The following NUP153 variants were observed in gnomAD, a reference collection of about 807,000 sequenced individuals.
NUP153 encodes nucleoporin 153.
Under a neutral mutation model 134.6 loss-of-function variants are expected in NUP153, and 27 were observed. That is an observed-to-expected ratio of 0.20 (90% confidence interval 0.15 to 0.28). The LOEUF is 0.28. NUP153 is among the 10% of genes least tolerant of loss of function. The pLI, the probability that NUP153 is intolerant of heterozygous loss-of-function variation, is 1.00. For missense variants in NUP153, 1,821 were observed against 1,731.3 expected, an observed-to-expected ratio of 1.05 and a Z score of -0.92; for synonymous variants, 640 against 623.5, an observed-to-expected ratio of 1.03 and a Z score of -0.40.
chr6:17,706,219 G>T lies in NUP153; in HGVS notation c.111+58C>A. ...GGGGCGCCGGGGCCTCGAACCGCCC[G>T]TCCCCTCCAGCCGAGTTTCCCCACC... is the stretch of plus-strand genomic sequence containing the variant. On this transcript the variant is annotated intron_variant, in intron 1 of 21. Transcript: ENST00000262077. The surrounding 1 kb of genome is among the most constrained non-coding windows in gnomAD (Gnocchi z 5.9). The T allele has an allele frequency of 1.4e-6, 2 of 1,408,980 alleles. No individual in the cohort carries two copies. The highest frequency in any genetic ancestry group is 2.0e-6 in the Non-Finnish European group (2 of 997,972). 87.3% of individuals were successfully genotyped at this position (1,408,980 alleles called of 1,614,324 possible).
In NUP153 at chr6:17,632,852, A is replaced by G; in HGVS notation, c.2465-8T>C. 1 of 1,543,794 alleles carries G rather than the reference A, an allele frequency of 6.5e-7. No homozygotes were observed. Among genetic ancestry groups the G allele is most frequent in the East Asian group, 2.3e-5 (1 of 44,092 alleles). The stretch of plus-strand genomic sequence containing the variant: ...AAGCAGGTACTGAACTTCCTAAAAA[A>G]AAAAAAAAAAACGGGGAGTGGGGGG... On this transcript the variant is annotated splice_region_variant and splice_polypyrimidine_tract_variant and intron_variant, in intron 16 of 21. Transcript: ENST00000262077.
rs373307370 is a variant in NUP153, at chr6:17,675,744, T to G, written c.361A>C (p.Asn121His). The change falls in exon 3 of 22, where the codon AAT becomes CAT. Residue 121 changes from asparagine to histidine, a missense_variant. Asn to His is a moderately conservative substitution (Grantham distance 68). Coordinates refer to ENST00000262077, the MANE Select transcript of NUP153 (RefSeq NM_005124.4). This position sits in a 1 kb window ranked among gnomAD's most constrained non-coding sequence, Gnocchi z 4.4. ...EEPSTTSTASNYPDVLTRPSL... is the reference protein window; with the variant it reads ...EEPSTTSTASHYPDVLTRPSL... ...GGCCTTGTTAACACATCTGGATAAT[T>G]TGAAGCAGTACTAGTTGTTGAAGGT... The G allele has an allele frequency of 3.1e-6, 5 of 1,613,682 alleles. No homozygotes were observed. The highest frequency in any genetic ancestry group is 1.3e-5 in the African/African-American group (1 of 74,928).
In NUP153 at chr6:17,675,238, T is replaced by C. The variant is rs200663994; in HGVS notation, c.714A>G (p.Thr238=). The part of the protein sequence containing the change: ...KPAFNLSAFG[T]LSPSLGNSSI... Reference sequence around the variant, plus strand: ...CCCAGTTAGTACTCACAGGGGAAAGTGTTCCAAAGGCAGACAAGTTGAATG... The same window carrying C: ...CCCAGTTAGTACTCACAGGGGAAAGCGTTCCAAAGGCAGACAAGTTGAATG... The change falls in exon 4 of 22, where the codon ACA becomes ACG. Residue 238 remains threonine (T), a synonymous_variant. Transcript: ENST00000262077. This position sits in a 1 kb window ranked among gnomAD's most constrained non-coding sequence, Gnocchi z 4.4. 3.1e-6 allele frequency: 5 copies of C among 1,614,006 alleles called. No homozygotes were observed. Among genetic ancestry groups the C allele is most frequent in the African/African-American group, 1.3e-5 (1 of 75,016 alleles).
In NUP153 at chr6:17,706,644, C is replaced by T. The variant is rs951740276; in HGVS notation, c.-257G>A. The T allele has an allele frequency of 5.4e-6, 3 of 551,350 alleles. No homozygotes were observed. In the Admixed American group the frequency reaches 9.9e-5, roughly 18 times the overall value. 34.2% of individuals were successfully genotyped at this position (551,350 alleles called of 1,614,324 possible). On this transcript the variant is annotated 5_prime_UTR_variant, in exon 1 of 22. Transcript: ENST00000262077. The surrounding 1 kb of genome is among the most constrained non-coding windows in gnomAD (Gnocchi z 5.9). ...CCGGTCCGGCCGCCTCTGCGGACCC[C>T]CGCCTCTGTGTGTGTCACGGTCTCT...
intron 17 of NUP153, among the ~76,000 whole-genome samples, chr6:17,631,360 T>C (rs1440802909): frequency 6.6e-6 from 1 of 152,234 alleles, no homozygotes; most frequent in African/African-American, 2.4e-5. Context: ...ATTATTTTTG[T>C]TTAATTTGTA....
rs1160413720 is a variant in NUP153, at chr6:17,647,804, TAC to T, written c.1632+1_1632+2del. The T allele has an allele frequency of 1.9e-5, 29 of 1,541,782 alleles. No homozygotes were observed. The highest frequency in any genetic ancestry group is 2.6e-5 in the Non-Finnish European group (29 of 1,115,490). The stretch of plus-strand genomic sequence containing the variant: ...TATATACTATTCCTTGCTTGTTACT[TAC>T]AGATGATGGAGGTAGTACATTTGCC... On this transcript the variant is annotated splice_donor_variant, in intron 13 of 21. Coordinates refer to ENST00000262077, the MANE Select transcript of NUP153 (RefSeq NM_005124.4). LOFTEE classifies it high-confidence loss of function.
chr6:17,677,233 C>A (rs1307452508), intron 2 of NUP153, among the ~76,000 whole-genome samples: 1 of 152,134 alleles, frequency 6.6e-6, no homozygotes, highest in Non-Finnish European at 1.5e-5. Flanking sequence ...ATTAATACAG[C>A]ACAAAACTAC....
chr6:17,618,724 C>A (rs1475071640), intron 20 of NUP153, among the ~76,000 whole-genome samples: 2 of 152,080 alleles, frequency 1.3e-5, no homozygotes, highest in African/African-American at 4.8e-5. Flanking sequence ...CGCCACCACG[C>A]CTGGCTAATT....
At chr6:17,696,217 TAA>T (rs1197818930) in intron 1 of NUP153, among the ~76,000 whole-genome samples, 2 of 152,136 alleles carry the variant, frequency 1.3e-5, no homozygotes, top group African/African-American at 2.4e-5. Flanking sequence ...GGCAGTTTTT[TAA>T]AAGAGTTTTG....
Position 17,675,170 on chromosome 6 carries a change from A to G in NUP153, c.723+59T>C, listed in dbSNP as rs948594044. The stretch of plus-strand genomic sequence containing the variant: ...TCTTGTCTCAGAAAAAAAAAAAAAA[A>G]TTATAAGCAATAAACACTCAAAACT... On this transcript the variant is annotated intron_variant, in intron 4 of 21. Coordinates refer to ENST00000262077, the MANE Select transcript of NUP153 (RefSeq NM_005124.4). This position sits in a 1 kb window ranked among gnomAD's most constrained non-coding sequence, Gnocchi z 4.4. 3 of 1,560,344 alleles carry G rather than the reference A, an allele frequency of 1.9e-6. No individual in the cohort carries two copies. The highest frequency in any genetic ancestry group is 2.6e-6 in the Non-Finnish European group (3 of 1,154,078).
chr6:17,621,822 T>A (rs563947131), intron 20 of NUP153, among the ~76,000 whole-genome samples: 1 of 152,210 alleles, frequency 6.6e-6, no homozygotes, highest in Non-Finnish European at 1.5e-5. Context: ...TCAAAATAGC[T>A]AGAAGTTCTG....
At position 17,628,684 on chromosome 6, in the gene NUP153, G is replaced by A. The variant is rs1436963643; in HGVS notation, c.3515C>T (p.Ala1172Val). 1.2e-6 allele frequency: 2 copies of A among 1,608,068 alleles called. No individual in the cohort carries two copies. The highest frequency in any genetic ancestry group is 2.2e-5 in the East Asian group (1 of 44,760). Residue 1172 changes from alanine to valine, a missense_variant, in exon 18 of 22, where the codon GCC (alanine) becomes GTC (valine). Coordinates refer to ENST00000262077, the MANE Select transcript of NUP153 (RefSeq NM_005124.4). The surrounding 1 kb of genome is among the most constrained non-coding windows in gnomAD (Gnocchi z 5.4). ...ESEQPAKATF[A>V]FGAQTSTTAD... ...TGTAGTACTAGTTTGAGCTCCAAAGGCAAAAGTGGCTTTTGCTGGCTGTTC... is the reference window on the plus strand; with the variant it reads ...TGTAGTACTAGTTTGAGCTCCAAAGACAAAAGTGGCTTTTGCTGGCTGTTC...
In NUP153 at chr6:17,629,340, A is replaced by C. The variant is rs1254333911; in HGVS notation, c.2859T>G (p.Ser953=). The C allele has an allele frequency of 1.2e-6, 2 of 1,608,750 alleles. No individual in the cohort carries two copies. Among genetic ancestry groups the C allele is most frequent in the Non-Finnish European group, 1.7e-6 (2 of 1,178,606 alleles). ...CAAATTTAAAATCTCCTATTGGTTT[A>C]GAAAATTTAAAGCCTTCACTCATGG... ...INPMSEGFKF[S]KPIGDFKFGV... is the part of the protein sequence containing the mutation. The change falls in exon 18 of 22, where the codon TCT becomes TCG. Residue 953 remains serine (S), a synonymous_variant. Coordinates refer to ENST00000262077, the MANE Select transcript of NUP153 (RefSeq NM_005124.4).
At chr6:17,681,539 G>A (rs921406730) in intron 2 of NUP153, among the ~76,000 whole-genome samples, 1 of 152,118 alleles carries the variant, frequency 6.6e-6, no homozygotes, top group African/African-American at 2.4e-5. Flanking sequence ...CTGAGATCAT[G>A]CCACTGTACT....
chr6:17,648,839 T>TA (rs1766355383), intron 12 of NUP153, among the ~76,000 whole-genome samples: 3 of 151,912 alleles, frequency 2.0e-5, no homozygotes, highest in Admixed American at 2.0e-4. Context: ...TAAAAGATGT[T>TA]ACGCCTAGCT....
At position 17,675,267 on chromosome 6, in the gene NUP153, G is replaced by T. The variant is rs140571428; in HGVS notation, c.685C>A (p.Pro229Thr). ...SQHTATSSKK[P>T]AFNLSAFGTL... is the part of the protein sequence containing the mutation. ...CCAAAGGCAGACAAGTTGAATGCTGGTTTTTTTGAGCTGGTGGCAGTGTGC... is the reference window on the plus strand; with the variant it reads ...CCAAAGGCAGACAAGTTGAATGCTGTTTTTTTTGAGCTGGTGGCAGTGTGC... Residue 229 changes from proline to threonine, a missense_variant, in exon 4 of 22, where the codon CCA becomes ACA. Physicochemically the swap from Pro to Thr is conservative, Grantham distance 38. Coordinates refer to ENST00000262077, the MANE Select transcript of NUP153 (RefSeq NM_005124.4). The surrounding 1 kb of genome is among the most constrained non-coding windows in gnomAD (Gnocchi z 4.4). The T allele has an allele frequency of 6.9e-4, 1,116 of 1,614,082 alleles. 1 individual carries two copies. Among genetic ancestry groups the T allele is most frequent in the Non-Finnish European group, 8.7e-4 (1,024 of 1,180,010 alleles).
intron 5 of NUP153, 69 bp downstream of exon 5, chr6:17,674,836 A>C: frequency 5.0e-6 from 6 of 1,195,154 alleles, no homozygotes; most frequent in Non-Finnish European, 6.9e-6. Flanking sequence ...GCACAAAGTA[A>C]TTTATTATCC....
At chr6:17,656,421 AAG>A (rs1160794164) in intron 11 of NUP153, among the ~76,000 whole-genome samples, 3 of 152,228 alleles carry the variant, frequency 2.0e-5, no homozygotes, top group East Asian at 3.9e-4. Context: ...AACATGAGTG[AAG>A]AGGAGTTTTT....
chr6:17,656,428 G>GT (rs889785152), intron 11 of NUP153, among the ~76,000 whole-genome samples: 13 of 152,098 alleles, frequency 8.5e-5, no homozygotes, highest in Non-Finnish European at 1.3e-4. Context: ...GTGAAGAGGA[G>GT]TTTTTTTTAT....
Sources: allele counts gnomAD v4.1 joint callset (sites outside exome capture counted in the v4.1 genomes callset), GRCh38; gene constraint gnomAD v4.1.1; non-coding constraint Gnocchi (gnomAD v3.1); transcripts MANE v1.5; gene names NCBI Gene and HGNC (gene_info 2026-07-23, HGNC 2026-07-21).